Variants in SLC22A2 observed in about 807,000 individuals in gnomAD.
SLC22A2 encodes organic cation transporter 2.
A neutral mutation model predicts 60.5 loss-of-function variants in SLC22A2; 46 were observed. That is an observed-to-expected ratio of 0.76 (90% confidence interval 0.60 to 0.97). The LOEUF is 0.97. Ranked by LOEUF, SLC22A2 falls within the 50% of genes least tolerant of loss-of-function variation. The pLI is 0.00. For missense variants in SLC22A2, 701 were observed against 706.6 expected (o/e 0.99, Z 0.09); for synonymous variants, 303 against 267.0 (o/e 1.13, Z -1.31).
At chr6:160,217,772 T>C (rs915100629) in intron 10 of SLC22A2, 3 of 286,792 alleles carry the variant, frequency 1.0e-5, no homozygotes, top group Admixed American at 5.2e-5. Flanking sequence ...TTCTCTGTAA[T>C]AGAGAATGTG....
At chr6:160,257,287 T>C (rs1322508367) in intron 1 of SLC22A2, among the ~76,000 whole-genome samples, 1 of 152,212 alleles carries the variant, frequency 6.6e-6, no homozygotes, top group East Asian at 1.9e-4. Flanking sequence ...GCTGTCTGTT[T>C]AATAAAAGGG....
At chr6:160,241,240 A>G (rs1188444996) in intron 9 of SLC22A2, among the ~76,000 whole-genome samples, 1 of 152,128 alleles carries the variant, frequency 6.6e-6, no homozygotes, top group Non-Finnish European at 1.5e-5. Context: ...AGTAGTGATG[A>G]TAATATTATG....
At chr6:160,224,070 T>C (rs114923078) in intron 10 of SLC22A2, among the ~76,000 whole-genome samples, 2 of 152,150 alleles carry the variant, frequency 1.3e-5, no homozygotes, top group African/African-American at 4.8e-5. Flanking sequence ...TTGTCCATTA[T>C]AGAGGCATCT....
In SLC22A2 at chr6:160,250,613, A is replaced by C. The variant is rs1222261728; in HGVS notation, c.608T>G (p.Met203Arg). Residue 203 changes from methionine to arginine, a missense_variant, in exon 3 of 11, where the codon ATG becomes AGG. Coordinates refer to ENST00000366953, the MANE Select transcript of SLC22A2 (RefSeq NM_003058.4). ...TCCTTGGATTAAGCGAAAAATTAACATCCACGTATAGGTTGGGGAAATGGC... is the reference window on the plus strand; with the variant it reads ...TCCTTGGATTAAGCGAAAAATTAACCTCCACGTATAGGTTGGGGAAATGGC... ...LMAISPTYTW[M>R]LIFRLIQGLV... 2.5e-6 allele frequency: 4 copies of C among 1,614,038 alleles called. No homozygotes were observed. In the East Asian group the frequency reaches 8.9e-5, roughly 36 times the overall value.
intron 5 of SLC22A2, among the ~76,000 whole-genome samples, chr6:160,246,150 G>A (rs1783091516): frequency 6.6e-6 from 1 of 151,948 alleles, no homozygotes; most frequent in African/African-American, 2.4e-5. Flanking sequence ...ACAGGCATGA[G>A]CCACTGCGCC....
Position 160,217,512 on chromosome 6 carries a change from TA to T in SLC22A2, c.1602-15del. Reference sequence around the variant, plus strand: ...TTTTTTCTTGGTCTGCAATAAGAAATAAAAATGGAGAGGGGAGAAAGAAATT... The same window carrying T: ...TTTTTTCTTGGTCTGCAATAAGAAATAAAATGGAGAGGGGAGAAAGAAATT... On this transcript the variant is annotated splice_polypyrimidine_tract_variant and intron_variant, in intron 10 of 10. Transcript: ENST00000366953. 2.0e-6 allele frequency: 3 copies of T among 1,476,144 alleles called. No homozygotes were observed. The highest frequency in any genetic ancestry group is 9.5e-7 in the Non-Finnish European group (1 of 1,058,064). The allele number at this position is 1,476,144 out of a possible 1,614,324, so 91.4% of individuals were successfully genotyped here. A position where few individuals can be genotyped will look rare whatever the true frequency, so the allele number is the denominator to read the frequency against.
Position 160,240,526 on chromosome 6 carries a change from C to G in SLC22A2, c.1501+948G>C, listed in dbSNP as rs144028709. ...AAAGAATTTACTTATGAATGACCTG[C>G]AGGGGTGGTCCTTTGTAGATAACTG... On this transcript the variant is annotated intron_variant, in intron 9 of 10. Transcript: ENST00000366953. Among the ~76,000 whole-genome samples, 879 of 152,266 alleles carry G rather than the reference C, an allele frequency of 5.8e-3. 3 individuals are homozygous for G. Among genetic ancestry groups the G allele is most frequent in the African/African-American group, 6.2e-3 (257 of 41,556 alleles).
intron 10 of SLC22A2, among the ~76,000 whole-genome samples, chr6:160,219,930 T>G (rs1583387880): frequency 6.6e-6 from 1 of 152,362 alleles, no homozygotes; most frequent in Non-Finnish European, 1.5e-5. Context: ...ATCTTGCTGG[T>G]GGAGGCTCTT....
At position 160,217,157 on chromosome 6, in the gene SLC22A2, AAATAC is replaced by A. The variant is rs1453652321; in HGVS notation, c.*270_*274del. 1.3e-5 allele frequency: 4 copies of A among 314,958 alleles called. No homozygotes were observed. Among genetic ancestry groups the A allele is most frequent in the Non-Finnish European group, 2.3e-5 (4 of 174,180 alleles). 19.5% of individuals were successfully genotyped at this position (314,958 alleles called of 1,614,324 possible). On this transcript the variant is annotated 3_prime_UTR_variant, in exon 11 of 11. Coordinates refer to ENST00000366953, the MANE Select transcript of SLC22A2 (RefSeq NM_003058.4). ...GCAAAGAAAAGAATCAAATTTAAAAAAATACAAAGATGGAAAAAAAACCCTCCAGA... is the reference window on the plus strand; with the variant it reads ...GCAAAGAAAAGAATCAAATTTAAAAAAAAGATGGAAAAAAAACCCTCCAGA...
intron 7 of SLC22A2, among the ~76,000 whole-genome samples, chr6:160,242,896 A>G (rs1411355902): frequency 6.6e-6 from 1 of 152,112 alleles, no homozygotes; most frequent in Non-Finnish European, 1.5e-5. Context: ...TATCATATGG[A>G]ATAATTTCAC....
At chr6:160,233,745 C>G (rs965820424) in intron 9 of SLC22A2, among the ~76,000 whole-genome samples, 1 of 151,792 alleles carries the variant, frequency 6.6e-6, no homozygotes, top group Non-Finnish European at 1.5e-5. Flanking sequence ...ACCGCAAAAT[C>G]TTCCTTCAGC....
chr6:160,250,533 C>T lies in SLC22A2; in HGVS notation c.673+15G>A. ...GTTGCTTTGTTCTCACAGTTGCAAG[C>T]ACAAACATTCTTACTCAGGATGTAG... On this transcript the variant is annotated intron_variant, in intron 3 of 10. Coordinates refer to ENST00000366953, the MANE Select transcript of SLC22A2 (RefSeq NM_003058.4). 1 of 1,613,726 alleles carries T rather than the reference C, an allele frequency of 6.2e-7. No homozygotes were observed. The highest frequency in any genetic ancestry group is 1.1e-5 in the South Asian group (1 of 91,066).
intron 10 of SLC22A2, among the ~76,000 whole-genome samples, chr6:160,220,874 T>C (rs1446239042): frequency 1.3e-5 from 2 of 152,186 alleles, no homozygotes; most frequent in Non-Finnish European, 2.9e-5. Context: ...CTGTTATCTG[T>C]ACACAGGCTT....
At position 160,258,782 on chromosome 6, in the gene SLC22A2, G is replaced by A. The variant is rs1783325082; in HGVS notation, c.-25C>T. 1.3e-6 allele frequency: 2 copies of A among 1,519,400 alleles called. No individual in the cohort carries two copies. The highest frequency in any genetic ancestry group is 1.4e-5 in the African/African-American group (1 of 72,128). 94.1% of individuals were successfully genotyped at this position (1,519,400 alleles called of 1,614,324 possible). A position where few individuals can be genotyped will look rare whatever the true frequency, so the allele number is the denominator to read the frequency against. ...TGATCCTGCAGGCAGGAGGGCCCGA[G>A]GCTGCCCGACGTGCCCGGAGCGAGG... is the stretch of plus-strand genomic sequence containing the variant. On this transcript the variant is annotated 5_prime_UTR_variant, in exon 1 of 11. Coordinates refer to ENST00000366953, the MANE Select transcript of SLC22A2 (RefSeq NM_003058.4).
Position 160,230,766 on chromosome 6 carries a change from C to A in SLC22A2, c.1502-5962G>T, listed in dbSNP as rs1396857704. 2.0e-5 allele frequency among the ~76,000 whole-genome samples: 3 copies of A among 152,094 alleles called. No individual in the cohort carries two copies. In the South Asian group the frequency reaches 6.2e-4, roughly 32 times the overall value. On this transcript the variant is annotated intron_variant, in intron 9 of 10. Coordinates refer to ENST00000366953, the MANE Select transcript of SLC22A2 (RefSeq NM_003058.4). ...AACCTCCTCCCCCAGGAGCTTGCTA[C>A]AAGTGCCAGCAATCTGGCCTCTGGG...
intron 9 of SLC22A2, among the ~76,000 whole-genome samples, chr6:160,232,242 A>G (rs1160817808): frequency 6.6e-6 from 1 of 151,420 alleles, no homozygotes; most frequent in African/African-American, 2.4e-5. Flanking sequence ...CCTGACATTC[A>G]CCCCATTTCC....
intron 6 of SLC22A2, 90 bp from the exon 7 acceptor site, chr6:160,243,876 G>A (rs1783051922): frequency 9.5e-6 from 8 of 843,180 alleles, no homozygotes; most frequent in African/African-American, 8.4e-5. Context: ...GTGGATTGTA[G>A]GTCACCTTTC....
At chr6:160,247,406 C>T (rs554551200) in intron 4 of SLC22A2, 108 bp from the exon 5 acceptor site, 14 of 663,944 alleles carry the variant, frequency 2.1e-5, no homozygotes, top group Non-Finnish European at 3.3e-5. Flanking sequence ...GTTGGATCTC[C>T]AAAGAAAATA....
intron 9 of SLC22A2, among the ~76,000 whole-genome samples, chr6:160,237,040 G>T (rs1782922153): frequency 6.6e-6 from 1 of 152,140 alleles, no homozygotes; most frequent in Non-Finnish European, 1.5e-5. Flanking sequence ...ATGGGAAACT[G>T]GAGAGAGAAA....
Sources: allele counts gnomAD v4.1 joint callset (sites outside exome capture counted in the v4.1 genomes callset), GRCh38; gene constraint gnomAD v4.1.1; transcripts MANE v1.5; gene names NCBI Gene and HGNC (gene_info 2026-07-23, HGNC 2026-07-21).